Variants in DAB1 observed in about 807,000 individuals in gnomAD.
DAB1 encodes the protein disabled homolog 1.
DAB1 carries 15 observed loss-of-function variants against 64.6 expected under a neutral mutation model. That is an observed-to-expected ratio of 0.23 (90% CI 0.16 to 0.36). The LOEUF (loss-of-function observed/expected upper bound fraction) is 0.36, where lower values mean the gene tolerates loss of function less well. DAB1 is among the 10% of genes least tolerant of loss of function. The probability of loss-of-function intolerance (pLI) is 1.00; values close to 1 mark genes in which losing one functional copy is unlikely to be tolerated. For missense variants in DAB1, 596 were observed against 706.7 expected (o/e 0.84, Z 1.78); for synonymous variants, 235 against 251.9 (o/e 0.93, Z 0.64).
At chr1:57,858,682 T>A (rs1653868482) in intron 1 of DAB1, among the ~76,000 whole-genome samples, 1 of 151,678 alleles carries the variant, frequency 6.6e-6, no homozygotes, top group Non-Finnish European at 1.5e-5. Context: ...GGCTGACAAC[T>A]GACTGTCTGA....
intron 7 of DAB1, among the ~76,000 whole-genome samples, chr1:57,626,228 G>A (rs1645921533): frequency 6.6e-6 from 1 of 152,162 alleles, no homozygotes; most frequent in Admixed American, 6.5e-5. Context: ...GTAGCAGTGA[G>A]GAGCTGGTGA....
chr1:58,317,310 C>T (rs958665504), intron 4 of DAB1, among the ~76,000 whole-genome samples: 9 of 152,218 alleles, frequency 5.9e-5, no homozygotes, highest in African/African-American at 1.2e-4. Flanking sequence ...CAAGATCTCA[C>T]GCCCTAAGCC....
intron 3 of DAB1, among the ~76,000 whole-genome samples, chr1:58,454,449 T>G (rs1645171006): frequency 6.6e-6 from 1 of 151,736 alleles, no homozygotes; most frequent in South Asian, 2.1e-4. Flanking sequence ...CTTGCAGGAG[T>G]CGACCCAAAC....
chr1:58,125,405 C>A (rs146358624), intron 5 of DAB1, among the ~76,000 whole-genome samples: 8 of 151,018 alleles, frequency 5.3e-5, no homozygotes, highest in Non-Finnish European at 8.8e-5. Flanking sequence ...AATACTACTA[C>A]TAATAATAGT....
intron 4 of DAB1, among the ~76,000 whole-genome samples, chr1:57,134,178 T>TAAGATAGAA (rs1657873926): frequency 2.6e-5 from 4 of 152,162 alleles, no homozygotes; most frequent in Admixed American, 6.5e-5. Context: ...TAGAAAAGCC[T>TAAGATAGAA]TCTTACTGAT....
At chr1:58,375,666 G>A (rs940712106) in intron 3 of DAB1, among the ~76,000 whole-genome samples, 5 of 142,046 alleles carry the variant, frequency 3.5e-5, no homozygotes, top group South Asian at 2.3e-4. Flanking sequence ...GTCTCTGCCC[G>A]GCTTTGGTAT....
intron 4 of DAB1, among the ~76,000 whole-genome samples, chr1:57,113,896 T>A (rs1655882554): frequency 6.6e-6 from 1 of 152,236 alleles, no homozygotes; most frequent in Non-Finnish European, 1.5e-5. Flanking sequence ...TAAATACCAC[T>A]ACTCCTGAGG....
At chr1:58,251,317 A>C (rs1660790003) in intron 4 of DAB1, among the ~76,000 whole-genome samples, 1 of 152,270 alleles carries the variant, frequency 6.6e-6, no homozygotes, top group Admixed American at 6.5e-5. Flanking sequence ...AAGAACACAG[A>C]CAAGTAATGT....
At chr1:57,600,752 A>C (rs1254665877) in intron 7 of DAB1, among the ~76,000 whole-genome samples, 1 of 152,186 alleles carries the variant, frequency 6.6e-6, no homozygotes, top group Non-Finnish European at 1.5e-5. Context: ...GCAGCGAAAA[A>C]TTTCAAAAGT....
intron 2 of DAB1, among the ~76,000 whole-genome samples, chr1:57,248,255 G>GCT (rs1553160653): frequency 6.7e-6 from 1 of 149,518 alleles, no homozygotes; most frequent in Non-Finnish European, 1.5e-5. Flanking sequence ...TATTTTTATT[G>GCT]TTTTTTTTAA....
chr1:58,537,816 T>G (rs1569976432), intron 1 of DAB1, among the ~76,000 whole-genome samples: 1 of 152,224 alleles, frequency 6.6e-6, no homozygotes, highest in African/African-American at 2.4e-5. Context: ...TTACATGACA[T>G]TATCCTTTAT....
chr1:57,186,523 C>T (rs1663578809), intron 2 of DAB1, among the ~76,000 whole-genome samples: 2 of 152,218 alleles, frequency 1.3e-5, no homozygotes, highest in African/African-American at 2.4e-5. Context: ...TGGAATGTTA[C>T]ATGGCTAATA....
intron 4 of DAB1, among the ~76,000 whole-genome samples, chr1:58,200,871 CA>C (rs1657959054): frequency 6.6e-6 from 1 of 152,164 alleles, no homozygotes; most frequent in South Asian, 2.1e-4. Flanking sequence ...TAGCCCAACT[CA>C]AACAATTATC....
chr1:57,180,790 G>C (rs1261476050), intron 2 of DAB1, among the ~76,000 whole-genome samples: 1 of 152,104 alleles, frequency 6.6e-6, no homozygotes, highest in East Asian at 1.9e-4. Flanking sequence ...GGCTCACTAA[G>C]GGTCATATTT....
intron 4 of DAB1, among the ~76,000 whole-genome samples, chr1:58,208,451 C>A (rs938638798): frequency 3.9e-5 from 6 of 152,074 alleles, no homozygotes; most frequent in African/African-American, 1.4e-4. Flanking sequence ...CCCTTGACAC[C>A]TTTCTCTCCA....
chr1:57,618,730 T>A (rs544261042), intron 7 of DAB1, among the ~76,000 whole-genome samples: 1 of 128,708 alleles, frequency 7.8e-6, no homozygotes, highest in African/African-American at 2.5e-5. Context: ...ATTACACAGA[T>A]AATAGCATTA....
chr1:58,224,631 C>T (rs1292956959), intron 4 of DAB1, among the ~76,000 whole-genome samples: 3 of 152,062 alleles, frequency 2.0e-5, no homozygotes, highest in African/African-American at 7.2e-5. Flanking sequence ...ACATTATCAT[C>T]TCATTTGACC....
At chr1:57,466,162 C>G (rs180988211) in intron 7 of DAB1, among the ~76,000 whole-genome samples, 1 of 152,164 alleles carries the variant, frequency 6.6e-6, no homozygotes, top group Non-Finnish European at 1.5e-5. Flanking sequence ...CTCTAACTCA[C>G]GAATTATGGG....
At chr1:58,127,683 G>A (rs371199470) in intron 5 of DAB1, among the ~76,000 whole-genome samples, 1 of 152,178 alleles carries the variant, frequency 6.6e-6, no homozygotes, top group African/African-American at 2.4e-5. Context: ...CATATGGCTA[G>A]CCAGTTTTCC....
Sources: gnomAD v4.1 joint callset for allele counts (sites outside exome capture counted in the v4.1 genomes callset) on GRCh38, gnomAD v4.1.1 for gene constraint, MANE v1.5 for transcripts, NCBI Gene and HGNC (gene_info 2026-07-23, HGNC 2026-07-21) for gene names.